HAPSTR2: variants seen among roughly 807,000 people sequenced by gnomAD.
HAPSTR2 encodes the protein HUWE1 associated protein modifying stress responses 2.
At chrX:140,092,407 G>A in the HAPSTR2 span, 9 of 753,996 alleles carry the variant, frequency 1.2e-5, no homozygotes, top group Non-Finnish European at 1.4e-5. Context: ...AGCAGTGGGC[G>A]CCGAAAAACT....
At chrX:140,092,256 G>A in the HAPSTR2 span, 1 of 755,023 alleles carries the variant, frequency 1.3e-6, no homozygotes, top group South Asian at 6.7e-5. Context: ...CACCAGCCAG[G>A]CTGTGGCAAC....
the HAPSTR2 span, chrX:140,092,249 C>T: frequency 1.3e-6 from 1 of 755,115 alleles, no homozygotes; most frequent in Non-Finnish European, 1.6e-6. Context: ...CTGGGGTCAC[C>T]AGCCAGGCTG....
the HAPSTR2 span, chrX:140,091,908 C>T: frequency 3.3e-6 from 3 of 909,553 alleles, no homozygotes; most frequent in Non-Finnish European, 2.7e-6. Flanking sequence ...GAAGCAGAAG[C>T]TGTGGCACCT....
the HAPSTR2 span, chrX:140,092,629 C>G: frequency 1.4e-4 from 96 of 690,052 alleles, 1 homozygote; most frequent in East Asian, 0.013. Flanking sequence ...ACATGCTTGT[C>G]TAAAGGTTAC....
At chrX:140,092,131 A>G in the HAPSTR2 span, 2 of 775,618 alleles carry the variant, frequency 2.6e-6, no homozygotes, top group Non-Finnish European at 1.5e-6. Flanking sequence ...TGGGTGAAAA[A>G]GGGCCGGAGC....
the HAPSTR2 span, chrX:140,092,029 G>A: frequency 3.7e-6 from 3 of 818,762 alleles, no homozygotes; most frequent in Non-Finnish European, 4.4e-6. Context: ...GCCGTGACCA[G>A]CCTCTACAAA....
At chrX:140,092,131 A>C in the HAPSTR2 span, 1 of 775,634 alleles carries the variant, frequency 1.3e-6, no homozygotes, top group African/African-American at 2.2e-5. Context: ...TGGGTGAAAA[A>C]GGGCCGGAGC....
the HAPSTR2 span, chrX:140,092,480 TG>T: frequency 1.3e-6 from 1 of 753,776 alleles, no homozygotes; most frequent in South Asian, 6.7e-5. Context: ...ACCTGGACAG[TG>T]GGGGGATCCG....
chrX:140,091,999 C>T, the HAPSTR2 span: 15 of 824,670 alleles, frequency 1.8e-5, no homozygotes, highest in East Asian at 8.5e-5. Context: ...ATGTGGGACC[C>T]CTTCCAGAAT....
the HAPSTR2 span, chrX:140,091,773 G>C: frequency 1.1e-6 from 1 of 942,095 alleles, no homozygotes; most frequent in Non-Finnish European, 1.3e-6. Context: ...GGGCGAGGCC[G>C]AGGTCGCGGA....
chrX:140,091,736 G>A, the HAPSTR2 span: 52 of 870,706 alleles, frequency 6.0e-5, no homozygotes, highest in Middle Eastern at 3.4e-3. Flanking sequence ...GCGGCCTGAA[G>A]AGGAGGATGG....
the HAPSTR2 span, chrX:140,091,908 C>A: frequency 1.1e-6 from 1 of 909,553 alleles, no homozygotes. Context: ...GAAGCAGAAG[C>A]TGTGGCACCT....
chrX:140,092,637 T>C, the HAPSTR2 span: 1 of 670,945 alleles, frequency 1.5e-6, no homozygotes, highest in South Asian at 7.7e-5. Context: ...GTCTAAAGGT[T>C]ACTGGAGACC....
the HAPSTR2 span, chrX:140,092,401 G>C: frequency 2.7e-6 from 2 of 752,227 alleles, no homozygotes; most frequent in African/African-American, 4.6e-5. Flanking sequence ...GTCGCCAGCA[G>C]TGGGCGCCGA....
At chrX:140,092,617 C>T in the HAPSTR2 span, 6 of 721,832 alleles carry the variant, frequency 8.3e-6, no homozygotes, top group Non-Finnish European at 9.8e-6. Context: ...ACTCAACCGT[C>T]GACATGCTTG....
At chrX:140,091,936 C>G in the HAPSTR2 span, 3 of 878,639 alleles carry the variant, frequency 3.4e-6, no homozygotes, top group Non-Finnish European at 2.8e-6. Flanking sequence ...ATCTCGGCCA[C>G]CGCCGTTGCT....
chrX:140,092,521 G>A, the HAPSTR2 span: 2 of 753,853 alleles, frequency 2.7e-6, no homozygotes, highest in South Asian at 6.8e-5. Flanking sequence ...TGCAGTGATG[G>A]CATCACAGAC....
chrX:140,092,429 GGAC>G, the HAPSTR2 span: 1 of 752,349 alleles, frequency 1.3e-6, no homozygotes, highest in Admixed American at 8.8e-5. Context: ...GCTTCTTGGA[GGAC>G]GACTTGAATC....
At chrX:140,092,297 G>A in the HAPSTR2 span, 1 of 754,635 alleles carries the variant, frequency 1.3e-6, no homozygotes. Flanking sequence ...ACGTCGACCT[G>A]CAGCCCTTCC....
Sources: allele counts gnomAD v4.1 joint callset, GRCh38; gene constraint gnomAD v4.1.1; transcripts MANE v1.5; gene names NCBI Gene and HGNC (gene_info 2026-07-23, HGNC 2026-07-21).